Variants in SLC47A1 observed in about 807,000 individuals in gnomAD.
SLC47A1 encodes the protein solute carrier family 47 member 1, also known as multidrug and toxin extrusion protein 1.
Under a neutral mutation model 65.8 loss-of-function variants are expected in SLC47A1, and 58 were observed. The observed-to-expected ratio is 0.88, with a 90% CI of 0.71 to 1.10. The LOEUF (loss-of-function observed/expected upper bound fraction) is 1.10. Ranked by LOEUF, SLC47A1 falls within the 50% of genes least tolerant of loss-of-function variation. The pLI is 0.00. For synonymous variants in SLC47A1, 285 were observed against 295.0 expected, an observed-to-expected ratio of 0.97 and a Z score of 0.35; for missense variants, 706 against 719.2, an observed-to-expected ratio of 0.98 and a Z score of 0.21.
chr17:19,558,905 T>C (rs949164416), intron 10 of SLC47A1, among the ~76,000 whole-genome samples: 1 of 152,192 alleles, frequency 6.6e-6, no homozygotes, highest in Non-Finnish European at 1.5e-5. Flanking sequence ...TACTTTTTTA[T>C]TTCTCAATCT....
chr17:19,566,575 A>G (rs2084359431), intron 12 of SLC47A1, among the ~76,000 whole-genome samples: 1 of 151,996 alleles, frequency 6.6e-6, no homozygotes, highest in Non-Finnish European at 1.5e-5. Context: ...ACAGGTACCC[A>G]CCACCAGGCC....
chr17:19,536,253 CAATAAT>C (rs5819675), intron 1 of SLC47A1, among the ~76,000 whole-genome samples: 157 of 145,556 alleles, frequency 1.1e-3, no homozygotes, highest in Middle Eastern at 7.1e-3. Flanking sequence ...AATAGTATAG[CAATAAT>C]AATAATAATA....
rs539239439 is a variant in SLC47A1, at chr17:19,551,750, G to A, written c.543+282G>A. 4.1e-4 allele frequency among the ~76,000 whole-genome samples: 63 copies of A among 152,356 alleles called. No individual in the cohort carries two copies. The South Asian group carries it at 0.012, about 30-fold the overall frequency. ...TCATTGGCAGGGTGGGCTCAGAGCC[G>A]CAGTGTTCCTTGGCTCTGCATTTTA... On this transcript the variant is annotated intron_variant, in intron 6 of 16. Transcript: ENST00000270570.
chr17:19,570,976 TAGC>T (rs1280780299), intron 14 of SLC47A1: 1 of 152,280 alleles, frequency 6.6e-6, no homozygotes, highest in Non-Finnish European at 1.5e-5. Context: ...TGGAAGCTTC[TAGC>T]AAAGTCTGTG....
Position 19,560,233 on chromosome 17 carries a change from G to T in SLC47A1, c.967G>T (p.Ala323Ser), listed in dbSNP as rs775518497. 4 of 1,613,568 alleles carry T rather than the reference G, an allele frequency of 2.5e-6. No homozygotes were observed. Among genetic ancestry groups the T allele is most frequent in the Non-Finnish European group, 3.4e-6 (4 of 1,179,982 alleles). The stretch of plus-strand genomic sequence containing the variant: ...GGCTGCCAGTGTCCGGGTAGGAAAC[G>T]CTCTGGGTGCTGGAGACATGGAGCA... ...SVAASVRVGN[A>S]LGAGDMEQAR... Residue 323 changes from alanine to serine, a missense_variant, in exon 11 of 17, where the codon GCT (alanine) becomes TCT (serine). Ala to Ser is a moderately conservative substitution (Grantham distance 99). Transcript: ENST00000270570.
intron 4 of SLC47A1, among the ~76,000 whole-genome samples, 189 bp downstream of exon 4, chr17:19,548,322 G>A (rs1916349335): frequency 6.6e-6 from 1 of 152,110 alleles, no homozygotes; most frequent in Non-Finnish European, 1.5e-5. Flanking sequence ...CGCCTCCTGG[G>A]TGACTTGCAT....
chr17:19,560,112 C>T, intron 10 of SLC47A1, 76 bp from the exon 11 acceptor site: 1 of 1,032,278 alleles, frequency 9.7e-7, no homozygotes, highest in Non-Finnish European at 1.4e-6. Flanking sequence ...AGGTGTGAGG[C>T]ATGAGGCTGC....
chr17:19,538,095 T>C (rs572063885), intron 1 of SLC47A1, among the ~76,000 whole-genome samples: 18 of 152,358 alleles, frequency 1.2e-4, no homozygotes, highest in African/African-American at 4.3e-4. Flanking sequence ...ACTGAAAATA[T>C]CATTAAGTCA....
chr17:19,565,581 T>TC (rs2084349557), intron 12 of SLC47A1, among the ~76,000 whole-genome samples: 1 of 144,570 alleles, frequency 6.9e-6, no homozygotes, highest in African/African-American at 2.6e-5. Context: ...GAAAATCTTT[T>TC]TTTTTTTTTT....
At chr17:19,557,468 T>C (rs376302155) in intron 10 of SLC47A1, 1 of 399,530 alleles carries the variant, frequency 2.5e-6, no homozygotes, top group Non-Finnish European at 5.1e-6. Context: ...TTATTTCCAA[T>C]GTTTCAATAT....
rs768500391 is a variant in SLC47A1 at position 19,555,850 on chromosome 17, C to T, written c.794C>T (p.Pro265Leu). 1 of 1,613,844 alleles carries T rather than the reference C, an allele frequency of 6.2e-7. No homozygotes were observed. The highest frequency in any genetic ancestry group is 8.5e-7 in the Non-Finnish European group (1 of 1,180,020). Reference protein sequence around the residue: ...DWASFLRLAIPSMLMLCMEWW... With the variant: ...DWASFLRLAILSMLMLCMEWW... The stretch of plus-strand genomic sequence containing the variant: ...GCCTCCTTCCTCCGCCTGGCCATCC[C>T]CAGCATGCTCATGCTGTGCATGGAG... The change falls in exon 9 of 17, where the codon CCC becomes CTC. Residue 265 changes from proline (P) to leucine (L), a missense_variant. Coordinates refer to ENST00000270570, the MANE Select transcript of SLC47A1 (RefSeq NM_018242.3).
intron 12 of SLC47A1, among the ~76,000 whole-genome samples, chr17:19,562,395 C>T (rs1334911079): frequency 2.0e-5 from 3 of 151,836 alleles, no homozygotes; most frequent in Non-Finnish European, 4.4e-5. Context: ...AACCCTGTCT[C>T]TACTAAAAAT....
chr17:19,544,268 C>T (rs1446963698), intron 2 of SLC47A1, among the ~76,000 whole-genome samples: 2 of 152,186 alleles, frequency 1.3e-5, no homozygotes, highest in Non-Finnish European at 2.9e-5. Flanking sequence ...TTGGCTTTAG[C>T]GGGCAACATG....
intron 3 of SLC47A1, 126 bp from the exon 4 acceptor site, chr17:19,547,859 A>G: frequency 2.0e-6 from 2 of 1,009,292 alleles, no homozygotes; most frequent in Non-Finnish European, 2.8e-6. Context: ...AGTAGCTGGG[A>G]TTACAGGCGT....
At chr17:19,534,844 A>T (rs1440922351) in intron 1 of SLC47A1, 1 of 152,230 alleles carries the variant, frequency 6.6e-6, no homozygotes, top group African/African-American at 2.4e-5. Context: ...AAAACCACAA[A>T]AACACAATCC....
chr17:19,564,522 C>A (rs1344271415), intron 12 of SLC47A1: 1 of 152,032 alleles, frequency 6.6e-6, no homozygotes, highest in African/African-American at 2.4e-5. Context: ...GGAATTGTTA[C>A]CTGGAGGAGG....
chr17:19,555,381 T>C, intron 7 of SLC47A1, 72 bp downstream of exon 7: 1 of 1,491,526 alleles, frequency 6.7e-7, no homozygotes. Context: ...GGGAGAAGAG[T>C]GGGCTCTTCA....
At chr17:19,558,448 G>A (rs866220393) in intron 10 of SLC47A1, among the ~76,000 whole-genome samples, 15 of 151,350 alleles carry the variant, frequency 9.9e-5, no homozygotes, top group African/African-American at 3.4e-4. Context: ...TTTACTTGTT[G>A]GTGGTTGTTT....
In SLC47A1 at chr17:19,560,226, A is replaced by G. The variant is rs2084297193; in HGVS notation, c.960A>G (p.Val320=). 2 of 1,613,264 alleles carry G rather than the reference A, an allele frequency of 1.2e-6. No homozygotes were observed. The highest frequency in any genetic ancestry group is 1.7e-6 in the Non-Finnish European group (2 of 1,179,990). Reference sequence around the variant, plus strand: ...TCAGTGTGGCTGCCAGTGTCCGGGTAGGAAACGCTCTGGGTGCTGGAGACA... The same window carrying G: ...TCAGTGTGGCTGCCAGTGTCCGGGTGGGAAACGCTCTGGGTGCTGGAGACA... ...AGFSVAASVR[V]GNALGAGDME... The change falls in exon 11 of 17, where the codon GTA becomes GTG. Residue 320 remains valine (V), a synonymous_variant. Coordinates refer to ENST00000270570, the MANE Select transcript of SLC47A1 (RefSeq NM_018242.3).
Sources: gnomAD v4.1 joint callset for allele counts (sites outside exome capture counted in the v4.1 genomes callset) on GRCh38, gnomAD v4.1.1 for gene constraint, MANE v1.5 for transcripts, NCBI Gene and HGNC (gene_info 2026-07-23, HGNC 2026-07-21) for gene names.